The following SLMAP variants were observed in gnomAD, a reference collection of about 807,000 sequenced individuals.
SLMAP encodes the protein sarcolemmal membrane-associated protein.
Under a neutral mutation model 128.8 loss-of-function variants are expected in SLMAP, and 44 were observed. The ratio of observed to expected loss-of-function variants is 0.34; its 90% CI spans 0.27 to 0.44. SLMAP has a LOEUF of 0.44. Ranked by LOEUF, SLMAP falls within the 20% of genes least tolerant of loss-of-function variation. The probability of loss-of-function intolerance (pLI) is 1.00; values close to 1 mark genes in which losing one functional copy is unlikely to be tolerated. For synonymous variants in SLMAP, 327 were observed against 348.8 expected (o/e 0.94, Z 0.70); for missense variants, 787 against 985.3 (o/e 0.80, Z 2.69).
intron 2 of SLMAP, among the ~76,000 whole-genome samples, chr3:57,762,085 A>G (rs1030055907): frequency 6.6e-6 from 1 of 150,678 alleles, no homozygotes. Flanking sequence ...GTTGGAAGAA[A>G]TAGGCCAGGC....
At chr3:57,883,276 G>A (rs2095795438) in intron 14 of SLMAP, among the ~76,000 whole-genome samples, 1 of 152,206 alleles carries the variant, frequency 6.6e-6, no homozygotes, top group African/African-American at 2.4e-5. Flanking sequence ...TTAAGTCCCA[G>A]TGGTATTTCT....
intron 13 of SLMAP, among the ~76,000 whole-genome samples, chr3:57,868,865 A>G (rs1278808127): frequency 1.4e-5 from 2 of 138,002 alleles, no homozygotes; most frequent in African/African-American, 5.5e-5. Context: ...TATATTATAT[A>G]TGTGTGTATT....
At chr3:57,811,595 A>G (rs1394949139) in intron 2 of SLMAP, among the ~76,000 whole-genome samples, 1 of 152,168 alleles carries the variant, frequency 6.6e-6, no homozygotes, top group Non-Finnish European at 1.5e-5. Flanking sequence ...ACTTTTGGCT[A>G]TATACCCAGA....
intron 14 of SLMAP, among the ~76,000 whole-genome samples, chr3:57,887,235 ATT>A (rs1327302890): frequency 1.3e-4 from 18 of 141,326 alleles, no homozygotes; most frequent in East Asian, 2.1e-4. Context: ...AAGCCATGAG[ATT>A]TTTTTTTTTT....
intron 21 of SLMAP, among the ~76,000 whole-genome samples, chr3:57,916,164 A>AT (rs1211002689): frequency 1.3e-5 from 2 of 152,124 alleles, no homozygotes; most frequent in Non-Finnish European, 2.9e-5. Context: ...CTCAAAAAAA[A>AT]AAAAAAGTGA....
intron 6 of SLMAP, among the ~76,000 whole-genome samples, chr3:57,856,953 A>G (rs1443931209): frequency 5.3e-5 from 8 of 152,094 alleles, no homozygotes; most frequent in Non-Finnish European, 1.0e-4. Flanking sequence ...ACTACTGTGT[A>G]TATGCAGTCT....
chr3:57,916,791 C>T (rs2096822907), intron 21 of SLMAP, 115 bp from the exon 22 acceptor site: 9 of 760,382 alleles, frequency 1.2e-5, no homozygotes, highest in South Asian at 2.5e-5. Flanking sequence ...TTATACTTTT[C>T]TTTTTTTCTC....
chr3:57,817,860 G>A (rs948399892), intron 2 of SLMAP, among the ~76,000 whole-genome samples: 12 of 152,136 alleles, frequency 7.9e-5, no homozygotes, highest in African/African-American at 2.9e-4. Flanking sequence ...ATTTTTAAAA[G>A]CTTACCTTTC....
chr3:57,847,248 AT>A lies in SLMAP; in HGVS notation c.456+17del. The A allele has an allele frequency of 6.2e-7, 1 of 1,601,636 alleles. No individual in the cohort carries two copies. Among genetic ancestry groups the A allele is most frequent in the Non-Finnish European group, 8.5e-7 (1 of 1,170,108 alleles). ...CTGTTGACAAAGTAAGTTGCTAATG[AT>A]TATTTTTTCCAAACTGACTCAGCTA... On this transcript the variant is annotated intron_variant, in intron 5 of 24. Transcript: ENST00000671191.
chr3:57,806,914 G>A (rs540634059), intron 2 of SLMAP, among the ~76,000 whole-genome samples: 1 of 152,256 alleles, frequency 6.6e-6, no homozygotes, highest in South Asian at 2.1e-4. Context: ...TGGTATTTTT[G>A]GTTATAGATC....
intron 3 of SLMAP, among the ~76,000 whole-genome samples, chr3:57,834,483 GA>G (rs554567264): frequency 5.7e-4 from 86 of 152,124 alleles, no homozygotes; most frequent in African/African-American, 2.0e-3. Flanking sequence ...ATGGCAAAGA[GA>G]AAAGAAAAAA....
intron 14 of SLMAP, among the ~76,000 whole-genome samples, chr3:57,873,223 C>T (rs2095524398): frequency 6.6e-6 from 1 of 152,168 alleles, no homozygotes; most frequent in Admixed American, 6.5e-5. Context: ...CAATATTTGG[C>T]CGGGCATGGT....
intron 13 of SLMAP, among the ~76,000 whole-genome samples, chr3:57,869,101 A>G (rs1235250918): frequency 1.4e-5 from 2 of 146,866 alleles, no homozygotes; most frequent in East Asian, 2.0e-4. Context: ...CACAATCACA[A>G]GGTCCCACAT....
intron 2 of SLMAP, among the ~76,000 whole-genome samples, chr3:57,766,522 G>T (rs2153436743): frequency 6.6e-6 from 1 of 152,262 alleles, no homozygotes; most frequent in Non-Finnish European, 1.5e-5. Context: ...TTACAGTCCA[G>T]ACTCTTTCCT....
chr3:57,759,082 A>T (rs1164795760), intron 2 of SLMAP, among the ~76,000 whole-genome samples: 1 of 152,194 alleles, frequency 6.6e-6, no homozygotes, highest in Non-Finnish European at 1.5e-5. Context: ...ATTATTTTTT[A>T]AAGAAAGGAG....
At chr3:57,823,140 A>G (rs2092655647) in intron 2 of SLMAP, among the ~76,000 whole-genome samples, 1 of 152,168 alleles carries the variant, frequency 6.6e-6, no homozygotes, top group Non-Finnish European at 1.5e-5. Flanking sequence ...GACAGAAACC[A>G]TCCTTGGGGA....
At chr3:57,789,524 C>T (rs944290797) in intron 2 of SLMAP, among the ~76,000 whole-genome samples, 2 of 151,920 alleles carry the variant, frequency 1.3e-5, no homozygotes, top group African/African-American at 2.4e-5. Context: ...GATCAGATGT[C>T]GAGGTTGAGG....
At chr3:57,918,561 A>G (rs2096856499) in intron 22 of SLMAP, 1 of 151,982 alleles carries the variant, frequency 6.6e-6, no homozygotes, top group Non-Finnish European at 1.5e-5. Context: ...TAGTCATCAC[A>G]CTCCTTTGTA....
At chr3:57,899,961 G>C (rs1350670631) in intron 17 of SLMAP, 1 of 149,162 alleles carries the variant, frequency 6.7e-6, no homozygotes, top group Non-Finnish European at 1.5e-5. Context: ...ATGTATTACT[G>C]GTACTTTTTA....
Sources: gnomAD v4.1 joint callset for allele counts (sites outside exome capture counted in the v4.1 genomes callset) on GRCh38, gnomAD v4.1.1 for gene constraint, MANE v1.5 for transcripts, NCBI Gene and HGNC (gene_info 2026-07-23, HGNC 2026-07-21) for gene names.